RDH13: variants seen among roughly 807,000 people sequenced by gnomAD.
The protein encoded by RDH13 is retinol dehydrogenase 13 (all-trans and 9-cis).
A neutral mutation model predicts 28.3 loss-of-function variants in RDH13; 35 were observed. That is an observed-to-expected ratio of 1.24 (90% CI 0.95 to 1.64). The LOEUF is 1.64. Among genes scored for constraint, RDH13 ranks in the 40% most tolerant of loss-of-function variants. The pLI is 0.00. For synonymous variants in RDH13, 229 were observed against 198.5 expected (o/e 1.15, Z -1.29); for missense variants, 514 against 446.3 (o/e 1.15, Z -1.37).
chr19:55,047,435 C>G lies in RDH13; in HGVS notation c.712G>C (p.Gly238Arg). ...GAGCCATGGATGCCCGTGTGTCTGC[C>G]CAGCTCTGTCCTGGCCACGCCGGGG... ...LHPGVARTELGRHTGIHGSTF... is the reference protein window; with the variant it reads ...LHPGVARTELRRHTGIHGSTF... Residue 238 changes from glycine to arginine, a missense_variant, in exon 6 of 7, where the codon GGC becomes CGC. Physicochemically the swap from Gly to Arg is moderately radical, Grantham distance 125. Transcript: ENST00000415061. 6.2e-7 allele frequency: 1 copy of G among 1,611,316 alleles called. No homozygotes were observed. The highest frequency in any genetic ancestry group is 8.5e-7 in the Non-Finnish European group (1 of 1,179,946).
chr19:55,045,130 C>A lies in RDH13; in HGVS notation c.940G>T (p.Ala314Ser), dbSNP rs761854926. 32 of 1,613,392 alleles carry A rather than the reference C, an allele frequency of 2.0e-5. No homozygotes were observed. Among genetic ancestry groups the A allele is most frequent in the Non-Finnish European group, 2.6e-5 (31 of 1,179,962 alleles). ...GGAGCCTCTAAGCCCACCAGGCGGG[C>A]ACTTTCAGCCCAAAGCCTCCGGGCC... ...EVARRLWAES[A>S]RLVGLEAPSV... is the part of the protein sequence containing the mutation. The change falls in exon 7 of 7, where the codon GCC becomes TCC. Residue 314 changes from alanine to serine, a missense_variant. Physicochemically the swap from Ala to Ser is moderately conservative, Grantham distance 99 (BLOSUM62 1). Coordinates refer to ENST00000415061, the MANE Select transcript of RDH13 (RefSeq NM_001145971.2).
At chr19:55,043,821 A>G (rs969733994), downstream of RDH13, among the ~76,000 whole-genome samples, 1 of 152,054 alleles carries the variant, frequency 6.6e-6, no homozygotes, top group Non-Finnish European at 1.5e-5. Flanking sequence ...CCTGATCTCT[A>G]TCCAGTTTCT....
At chr19:55,057,771 A>C (rs1234747909) in intron 2 of RDH13, among the ~76,000 whole-genome samples, 3 of 150,930 alleles carry the variant, frequency 2.0e-5, no homozygotes, top group Non-Finnish European at 2.9e-5. Flanking sequence ...CAAATCACTT[A>C]AAATTTATCA....
chr19:55,062,436 A>T (rs748045225), intron 1 of RDH13, among the ~76,000 whole-genome samples: 1 of 152,164 alleles, frequency 6.6e-6, no homozygotes, highest in Non-Finnish European at 1.5e-5. Flanking sequence ...TAATCCCAGC[A>T]CTTTGGAGGC....
Position 55,059,275 on chromosome 19 carries a change from CCT to C in RDH13, c.66-2_66-1del. On this transcript the variant is annotated splice_acceptor_variant, in intron 1 of 6. Transcript: ENST00000415061. LOFTEE classifies it high-confidence loss of function. Reference sequence around the variant, plus strand: ...GGCAAGCCCCACCGGTGACATAGTCCCTGAGGGTGAGAAGCGGCACGGTCAGT... The same window carrying C: ...GGCAAGCCCCACCGGTGACATAGTCCGAGGGTGAGAAGCGGCACGGTCAGT... The C allele has an allele frequency of 1.3e-6, 2 of 1,589,054 alleles. No individual in the cohort carries two copies. Among genetic ancestry groups the C allele is most frequent in the Non-Finnish European group, 1.7e-6 (2 of 1,167,026 alleles).
At chr19:55,065,357 CTGGG>C (rs2075942018), upstream of RDH13, among the ~76,000 whole-genome samples, 1 of 151,538 alleles carries the variant, frequency 6.6e-6, no homozygotes, top group African/African-American at 2.4e-5. Context: ...GCACCCCAGG[CTGGG>C]TGACAGAGCA....
At chr19:55,066,173 A>C (rs1191525513), upstream of RDH13, among the ~76,000 whole-genome samples, 2 of 152,214 alleles carry the variant, frequency 1.3e-5, no homozygotes, top group African/African-American at 2.4e-5. Context: ...CCTGATTCCC[A>C]GACACACCCA....
chr19:55,048,455 C>T lies in RDH13; in HGVS notation c.532G>A (p.Val178Ile), dbSNP rs2075315093. 6.2e-7 allele frequency: 1 copy of T among 1,614,208 alleles called. No individual in the cohort carries two copies. Among genetic ancestry groups the T allele is most frequent in the Non-Finnish European group, 8.5e-7 (1 of 1,180,034 alleles). ...TCGTCAAAGTCTATGTGCCCAGCAA[C>T]ATGGGCCAGGGACGAGAGGTTGATG... ...RIINLSSLAH[V>I]AGHIDFDDLN... Residue 178 changes from valine (V) to isoleucine (I), a missense_variant, in exon 5 of 7, where the codon GTT becomes ATT. By Grantham distance (29) the Val-to-Ile change is conservative. Transcript: ENST00000415061.
chr19:55,066,663 CTCT>C (rs2075968628), upstream of RDH13, among the ~76,000 whole-genome samples: 1 of 150,714 alleles, frequency 6.6e-6, no homozygotes, highest in Admixed American at 6.6e-5. Flanking sequence ...CTTTCTCTCT[CTCT>C]TCCTCTCCCT....
chr19:55,043,845 TG>T (rs1568675083), downstream of RDH13, among the ~76,000 whole-genome samples: 2 of 152,154 alleles, frequency 1.3e-5, no homozygotes, highest in African/African-American at 4.8e-5. Flanking sequence ...ACAGCAGTCT[TG>T]TAAGATGCCC....
In RDH13 at chr19:55,058,901, G is replaced by A. The variant is rs138356237; in HGVS notation, c.184+256C>T. 6.4e-4 allele frequency among the ~76,000 whole-genome samples: 97 copies of A among 152,266 alleles called. 1 individual carries two copies. Among genetic ancestry groups the A allele is most frequent in the African/African-American group, 2.0e-3 (84 of 41,568 alleles). On this transcript the variant is annotated intron_variant, in intron 2 of 6. Coordinates refer to ENST00000415061, the MANE Select transcript of RDH13 (RefSeq NM_001145971.2). ...TCACCATGTTGGTTAGGCTGGTCTC[G>A]AACTCCTGACCTCGTGATCCGCCAG...
In RDH13 at chr19:55,048,440, C is replaced by T. The variant is rs764689848; in HGVS notation, c.547G>A (p.Asp183Asn). The change falls in exon 5 of 7, where the codon GAC becomes AAC. Residue 183 changes from aspartate (D) to asparagine (N), a missense_variant. Coordinates refer to ENST00000415061, the MANE Select transcript of RDH13 (RefSeq NM_001145971.2). ...SSLAHVAGHIDFDDLNWQTRK... is the reference protein window; with the variant it reads ...SSLAHVAGHINFDDLNWQTRK... ...GTCTGCCAGTTCAAGTCGTCAAAGTCTATGTGCCCAGCAACATGGGCCAGG... is the reference window on the plus strand; with the variant it reads ...GTCTGCCAGTTCAAGTCGTCAAAGTTTATGTGCCCAGCAACATGGGCCAGG... 1 of 1,614,196 alleles carries T rather than the reference C, an allele frequency of 6.2e-7. No homozygotes were observed. Among genetic ancestry groups the T allele is most frequent in the Non-Finnish European group, 8.5e-7 (1 of 1,180,046 alleles).
chr19:55,047,315 T>TCCTGGGC, intron 6 of RDH13, 72 bp downstream of exon 6: 1 of 1,560,224 alleles, frequency 6.4e-7, no homozygotes, highest in South Asian at 1.2e-5. Context: ...TGAGGGAGGG[T>TCCTGGGC]CCTGGGCCCT....
upstream of RDH13, among the ~76,000 whole-genome samples, chr19:55,064,791 T>G (rs1331735696): frequency 2.7e-5 from 4 of 149,938 alleles, 1 homozygote; most frequent in Admixed American, 2.8e-4. Context: ...TTTTGTATTT[T>G]TAGTAGAGAC....
intron 2 of RDH13, among the ~76,000 whole-genome samples, chr19:55,058,137 C>A (rs1247669037): frequency 6.6e-6 from 1 of 152,018 alleles, no homozygotes; most frequent in African/African-American, 2.4e-5. Flanking sequence ...CTGGGCCGGG[C>A]ATGGTGGCTC....
At position 55,045,048 on chromosome 19, in the gene RDH13, C is replaced by T; in HGVS notation, c.*26G>A. ...GCTGTCCTCGGTCTGGAGGCGCCAT[C>T]CTGGCTTTCAAATCTGCTCCAGAGG... On this transcript the variant is annotated 3_prime_UTR_variant, in exon 7 of 7. Transcript: ENST00000415061. 3 of 1,526,012 alleles carry T rather than the reference C, an allele frequency of 2.0e-6. No individual in the cohort carries two copies. Among genetic ancestry groups the T allele is most frequent in the Non-Finnish European group, 2.7e-6 (3 of 1,123,250 alleles). 94.5% of individuals were successfully genotyped at this position (1,526,012 alleles called of 1,614,324 possible). A position where few individuals can be genotyped will look rare whatever the true frequency, so the allele number is the denominator to read the frequency against.
chr19:55,051,586 C>T (rs1253626691), intron 3 of RDH13, among the ~76,000 whole-genome samples: 1 of 151,762 alleles, frequency 6.6e-6, no homozygotes, highest in Admixed American at 6.6e-5. Context: ...CCCGCCACCG[C>T]ACCCTGCTAA....
chr19:55,066,975 G>C (rs1166701753), upstream of RDH13, among the ~76,000 whole-genome samples: 1 of 152,144 alleles, frequency 6.6e-6, no homozygotes, highest in Non-Finnish European at 1.5e-5. Flanking sequence ...CTCCACCAAG[G>C]CCTGTGCAGA....
intron 1 of RDH13, among the ~76,000 whole-genome samples, chr19:55,068,260 G>A (rs897686601): frequency 2.6e-5 from 4 of 152,080 alleles, no homozygotes; most frequent in African/African-American, 9.7e-5. Context: ...CCACGGCCTG[G>A]CACGGTAGCT....
Sources: gnomAD v4.1 joint callset for allele counts (sites outside exome capture counted in the v4.1 genomes callset) on GRCh38, gnomAD v4.1.1 for gene constraint, MANE v1.5 for transcripts, NCBI Gene and HGNC (gene_info 2026-07-23, HGNC 2026-07-21) for gene names.